The following DMD variants were observed in gnomAD, a reference collection of about 807,000 sequenced individuals.
DMD encodes mutant dystrophin.
In DMD, 63 loss-of-function variants were observed where a neutral mutation model predicts 330.1. The ratio of observed to expected loss-of-function variants is 0.19; its 90% confidence interval spans 0.16 to 0.24. The LOEUF (loss-of-function observed/expected upper bound fraction) is 0.24. Ranked by LOEUF, DMD falls within the 10% of genes least tolerant of loss-of-function variation. The pLI, the probability that DMD is intolerant of heterozygous loss-of-function variation, is 1.00. For synonymous variants in DMD, 1,223 were observed against 959.8 expected (o/e 1.27, Z -5.07); for missense variants, 3,344 against 2,684.1 (o/e 1.25, Z -5.43).
chrX:32,746,470 C>G (rs1348939612), intron 7 of DMD, among the ~76,000 whole-genome samples: 1 of 111,729 alleles, frequency 9.0e-6, no homozygotes, highest in Non-Finnish European at 1.9e-5. Context: ...TCAGCGTCAC[C>G]TGGGACCTTT....
Position 32,155,973 on chromosome X carries a change from AACACACACACAC to A in DMD, c.6438+60931_6438+60942del, listed in dbSNP as rs60347530. Reference sequence around the variant, plus strand: ...GTGTGTGTGTATCCTTTTGTCATTCAACACACACACACACACACACACACACACACACACACA... The same window carrying A: ...GTGTGTGTGTATCCTTTTGTCATTCAACACACACACACACACACACACACA... On this transcript the variant is annotated intron_variant, in intron 44 of 78. Coordinates refer to ENST00000357033, the MANE Select transcript of DMD (RefSeq NM_004006.3). Among the ~76,000 whole-genome samples, 413 of 95,603 alleles carry A rather than the reference AACACACACACAC, an allele frequency of 4.3e-3. 2 individuals are homozygous for A. The highest frequency in any genetic ancestry group is 8.1e-3 in the South Asian group (14 of 1,723). The allele number at this position is 95,603 out of a possible 115,157, so 83.0% of individuals were successfully genotyped here. A position where few individuals can be genotyped will look rare whatever the true frequency, so the allele number is the denominator to read the frequency against.
At chrX:32,920,137 G>A (rs747034033) in intron 2 of DMD, among the ~76,000 whole-genome samples, 35 of 110,311 alleles carry the variant, frequency 3.2e-4, no homozygotes, top group African/African-American at 5.3e-4. Context: ...TAGTCAATAC[G>A]CCCAGGTGTC....
At chrX:33,247,247 T>C (rs1427117090) in intron 1 of DMD, among the ~76,000 whole-genome samples, 4 of 111,441 alleles carry the variant, frequency 3.6e-5, no homozygotes, top group African/African-American at 1.3e-4. Flanking sequence ...CAAAATCCTA[T>C]CCGTCACATC....
At chrX:33,218,948 G>A (rs916812887) in intron 1 of DMD, among the ~76,000 whole-genome samples, 2 of 110,678 alleles carry the variant, frequency 1.8e-5, no homozygotes, top group Admixed American at 9.7e-5. Flanking sequence ...ATGTCATGTC[G>A]TTCTATGTCT....
intron 7 of DMD, among the ~76,000 whole-genome samples, chrX:32,763,131 G>T (rs1484587446): frequency 9.0e-6 from 1 of 111,629 alleles, no homozygotes; most frequent in African/African-American, 3.3e-5. Context: ...TAGCTTAATT[G>T]ACTTGAACCA....
intron 47 of DMD, among the ~76,000 whole-genome samples, chrX:31,910,937 A>G (rs2094540119): frequency 8.9e-6 from 1 of 112,479 alleles, no homozygotes; most frequent in Non-Finnish European, 1.9e-5. Flanking sequence ...GGAGAAATTT[A>G]TCAAGGAACT....
intron 60 of DMD, among the ~76,000 whole-genome samples, chrX:31,440,402 C>A (rs1463521636): frequency 9.0e-6 from 1 of 111,262 alleles, no homozygotes; most frequent in Non-Finnish European, 1.9e-5. Flanking sequence ...ACCCGCCTCA[C>A]CCTCCCAAAG....
At chrX:31,652,113 T>G (rs2080490156) in intron 54 of DMD, among the ~76,000 whole-genome samples, 1 of 112,185 alleles carries the variant, frequency 8.9e-6, no homozygotes, top group African/African-American at 3.2e-5. Context: ...TATTCCTGCT[T>G]TGGGGCATTT....
At chrX:32,843,909 GT>G (rs764632657) in intron 4 of DMD, among the ~76,000 whole-genome samples, 2 of 111,859 alleles carry the variant, frequency 1.8e-5, no homozygotes, top group East Asian at 5.6e-4. Context: ...TTTTAATCCA[GT>G]TAAATCTAAA....
chrX:32,108,327 G>T (rs1173394386), intron 44 of DMD, among the ~76,000 whole-genome samples: 1 of 111,887 alleles, frequency 8.9e-6, no homozygotes, highest in Admixed American at 9.5e-5. Flanking sequence ...GTGAAAGAAT[G>T]AAATTTAAGA....
intron 7 of DMD, among the ~76,000 whole-genome samples, chrX:32,753,983 C>A (rs988711842): frequency 9.1e-6 from 1 of 110,268 alleles, no homozygotes; most frequent in African/African-American, 3.3e-5. Context: ...ATGAAAAATT[C>A]TCATCTTCAT....
At chrX:31,282,962 T>G (rs1316981256) in intron 62 of DMD, among the ~76,000 whole-genome samples, 1 of 111,924 alleles carries the variant, frequency 8.9e-6, no homozygotes, top group Non-Finnish European at 1.9e-5. Context: ...TTAAATAAAA[T>G]TGGTTCAATA....
intron 7 of DMD, among the ~76,000 whole-genome samples, chrX:32,734,639 T>C (rs1335080426): frequency 9.3e-6 from 1 of 107,320 alleles, no homozygotes; most frequent in African/African-American, 3.5e-5. Context: ...TAATCCAGCA[T>C]ATAAACAGAG....
rs768612902 is a variant in DMD at position 32,045,341 on chromosome X, G to GTTTTTTT, written c.6439-76828_6439-76827insAAAAAAA. Among the ~76,000 whole-genome samples, 4 of 97,364 alleles carry GTTTTTTT rather than the reference G, an allele frequency of 4.1e-5. 1 individual carries two copies. Among genetic ancestry groups the GTTTTTTT allele is most frequent in the Non-Finnish European group, 2.0e-5 (1 of 49,583 alleles). 84.5% of individuals were successfully genotyped at this position (97,364 alleles called of 115,157 possible). A position where few individuals can be genotyped will look rare whatever the true frequency, so the allele number is the denominator to read the frequency against. On this transcript the variant is annotated intron_variant, in intron 44 of 78. Coordinates refer to ENST00000357033, the MANE Select transcript of DMD (RefSeq NM_004006.3). ...TAGCAGCTGAGTTCTTGAGCGATCT[G>GTTTTTTT]TTTTGTTTTTTTTTTTTTTAAATGT...
intron 9 of DMD, among the ~76,000 whole-genome samples, chrX:32,693,740 C>A (rs949661372): frequency 8.9e-6 from 1 of 111,815 alleles, no homozygotes; most frequent in African/African-American, 3.3e-5. Context: ...ACACCCAGCT[C>A]GCGGTGTAGT....
chrX:32,031,801 A>G (rs749899999), intron 44 of DMD, among the ~76,000 whole-genome samples: 1 of 111,965 alleles, frequency 8.9e-6, no homozygotes, highest in East Asian at 2.8e-4. Flanking sequence ...ATTCATTTTT[A>G]TAGGAGTTTT....
At chrX:31,975,656 T>C (rs779733480) in intron 44 of DMD, among the ~76,000 whole-genome samples, 31 of 112,018 alleles carry the variant, frequency 2.8e-4, no homozygotes, top group Non-Finnish European at 2.4e-4. Flanking sequence ...TCGTGGAACA[T>C]ATTGCACGTA....
chrX:32,545,538 T>C (rs1363235334), intron 16 of DMD, among the ~76,000 whole-genome samples: 2 of 111,830 alleles, frequency 1.8e-5, no homozygotes, highest in Non-Finnish European at 3.8e-5. Context: ...GGGAAAGTAA[T>C]CTCAACATCG....
intron 62 of DMD, among the ~76,000 whole-genome samples, chrX:31,284,557 T>TTTCTTCTCCTTCTTCTTCTTCTTCTTC (rs2052894743): frequency 2.6e-5 from 2 of 78,066 alleles, no homozygotes; most frequent in Non-Finnish European, 4.7e-5. Flanking sequence ...TAACGAACTG[T>TTTCTTCTCCTTCTTCTTCTTCTTCTTC]TTCTTCTTCT....
Sources: gnomAD v4.1 joint callset for allele counts (sites outside exome capture counted in the v4.1 genomes callset) on GRCh38, gnomAD v4.1.1 for gene constraint, MANE v1.5 for transcripts, NCBI Gene and HGNC (gene_info 2026-07-23, HGNC 2026-07-21) for gene names.